MVK: variants seen among roughly 807,000 people sequenced by gnomAD.
MVK encodes mevalonate kinase.
MVK carries 34 observed loss-of-function variants against 43.2 expected under a neutral mutation model. The observed-to-expected ratio is 0.79, with a 90% CI of 0.60 to 1.05. The LOEUF (loss-of-function observed/expected upper bound fraction) is 1.05, where lower values mean the gene tolerates loss of function less well. MVK is among the 50% of genes least tolerant of loss of function. The probability of loss-of-function intolerance (pLI) is 0.00; values close to 1 mark genes in which losing one functional copy is unlikely to be tolerated. For synonymous variants in MVK, 190 were observed against 219.8 expected (o/e 0.86, Z 1.20); for missense variants, 395 against 504.0 (o/e 0.78, Z 2.07).
Position 109,590,830 on chromosome 12 carries a change from T to C in MVK, c.737T>C (p.Leu246Pro), listed in dbSNP as rs104895312. ...NTKVPRNTRALVAGVRNRLLK... is the reference protein window; with the variant it reads ...NTKVPRNTRAPVAGVRNRLLK... ...AAAGTCCCTCGCAATACCAGGGCCC[T>C]TGTGGCTGGCGTCAGAAACAGGCTG... Residue 246 changes from leucine to proline, a missense_variant, in exon 8 of 11, where the codon CTT (leucine) becomes CCT (proline). Leu to Pro is a moderately conservative substitution (Grantham distance 98). Coordinates refer to ENST00000228510, the MANE Select transcript of MVK (RefSeq NM_000431.4). 2 of 1,614,076 alleles carry C rather than the reference T, an allele frequency of 1.2e-6. No individual in the cohort carries two copies. The highest frequency in any genetic ancestry group is 1.7e-6 in the Non-Finnish European group (2 of 1,180,040).
At chr12:109,579,145 T>A (rs547262095) in intron 3 of MVK, 323 of 380,210 alleles carry the variant, frequency 8.5e-4, no homozygotes, top group East Asian at 7.7e-3. Flanking sequence ...CAATTTTTTT[T>A]TTTTTTTTTT....
At chr12:109,576,528 C>A (rs987530463) in intron 3 of MVK, among the ~76,000 whole-genome samples, 4 of 151,800 alleles carry the variant, frequency 2.6e-5, no homozygotes, top group Non-Finnish European at 5.9e-5. Context: ...GACAAAGTGA[C>A]ACATGTTTTA....
At chr12:109,574,467 C>T (rs1330907064) in intron 1 of MVK, among the ~76,000 whole-genome samples, 3 of 152,306 alleles carry the variant, frequency 2.0e-5, no homozygotes, top group Middle Eastern at 3.4e-3. Flanking sequence ...TGCCAGACAC[C>T]GCCAAGTGTT....
Position 109,596,736 on chromosome 12 carries a change from C to T in MVK, c.*159C>T, listed in dbSNP as rs923356757. 64 of 1,079,070 alleles carry T rather than the reference C, an allele frequency of 5.9e-5. No homozygotes were observed. The highest frequency in any genetic ancestry group is 8.3e-5 in the Non-Finnish European group (61 of 739,336). 66.8% of individuals were successfully genotyped at this position (1,079,070 alleles called of 1,614,324 possible). On this transcript the variant is annotated 3_prime_UTR_variant, in exon 11 of 11. Coordinates refer to ENST00000228510, the MANE Select transcript of MVK (RefSeq NM_000431.4). Reference sequence around the variant, plus strand: ...TGCCAGCCAAGCTCTGCAGTCCCAGCGGTGGGACCTAGGGAGGCATGGTCT... The same window carrying T: ...TGCCAGCCAAGCTCTGCAGTCCCAGTGGTGGGACCTAGGGAGGCATGGTCT...
intron 7 of MVK, 199 bp downstream of exon 7, chr12:109,586,998 C>T: frequency 1.6e-6 from 1 of 617,688 alleles, no homozygotes; most frequent in Non-Finnish European, 2.9e-6. Flanking sequence ...CCCTTCAGCT[C>T]TTAAATTGCA....
intron 5 of MVK, among the ~76,000 whole-genome samples, chr12:109,584,405 G>A (rs984613866): frequency 6.6e-6 from 1 of 152,136 alleles, no homozygotes; most frequent in Non-Finnish European, 1.5e-5. Context: ...GACCCCAGAC[G>A]GCCTATTTTG....
At chr12:109,589,365 G>C (rs1201580676) in intron 7 of MVK, 1 of 152,210 alleles carries the variant, frequency 6.6e-6, no homozygotes, top group Non-Finnish European at 1.5e-5. Context: ...GGAGCAGATG[G>C]CGGCTTCACA....
intron 1 of MVK, among the ~76,000 whole-genome samples, chr12:109,574,088 G>C (rs1362728702): frequency 6.6e-6 from 1 of 152,204 alleles, no homozygotes. Context: ...TGGGGATCAC[G>C]ATAGTACTTA....
At chr12:109,573,478 C>CA, upstream of MVK, 1 of 1,603,136 alleles carries the variant, frequency 6.2e-7, no homozygotes, top group Non-Finnish European at 8.5e-7. Flanking sequence ...CGCACACAGC[C>CA]ATGAGCCAGG....
At chr12:109,594,978 C>G (rs1885851289) in intron 9 of MVK, 50 bp from the exon 10 acceptor site, 2 of 1,608,536 alleles carry the variant, frequency 1.2e-6, no homozygotes, top group South Asian at 2.2e-5. Flanking sequence ...GGGCATAGGA[C>G]CTTGGCCTCA....
rs975966542 is a variant in MVK, at chr12:109,573,802, T to C, written c.-86T>C. 1 of 351,062 alleles carries C rather than the reference T, an allele frequency of 2.8e-6. No homozygotes were observed. The highest frequency in any genetic ancestry group is 2.7e-5 in the South Asian group (1 of 37,540). The allele number at this position is 351,062 out of a possible 1,614,324, so 21.7% of individuals were successfully genotyped here. On this transcript the variant is annotated 5_prime_UTR_variant, in exon 1 of 11. Coordinates refer to ENST00000228510, the MANE Select transcript of MVK (RefSeq NM_000431.4). Reference sequence around the variant, plus strand: ...CCCCTTGAGGCACGGGCGCTCTGGGTTGTGGGAGTTGGGGAGCTGCTCCGG... The same window carrying C: ...CCCCTTGAGGCACGGGCGCTCTGGGCTGTGGGAGTTGGGGAGCTGCTCCGG...
At chr12:109,573,634 C>G, upstream of MVK, 1 of 913,894 alleles carries the variant, frequency 1.1e-6, no homozygotes, top group South Asian at 1.4e-5. Context: ...GGACTTGTTT[C>G]CCATTGGTTT....
chr12:109,579,360 A>G, intron 3 of MVK: 1 of 354,154 alleles, frequency 2.8e-6, no homozygotes, highest in South Asian at 2.1e-5. Flanking sequence ...GGCTGGTCTC[A>G]AACTCCTAGG....
intron 6 of MVK, among the ~76,000 whole-genome samples, 175 bp downstream of exon 6, chr12:109,586,300 C>T (rs1593022090): frequency 6.6e-6 from 1 of 152,196 alleles, no homozygotes; most frequent in East Asian, 1.9e-4. Flanking sequence ...CTGTCTCACA[C>T]CCCCTGAATC....
intron 7 of MVK, chr12:109,587,186 C>A (rs1885472128): frequency 3.4e-6 from 1 of 294,354 alleles, no homozygotes; most frequent in Non-Finnish European, 6.8e-6. Flanking sequence ...CAAGGACTCT[C>A]AGTCTGCTTG....
intron 8 of MVK, 88 bp from the exon 9 acceptor site, chr12:109,591,153 C>A: frequency 7.8e-7 from 1 of 1,284,048 alleles, no homozygotes; most frequent in Non-Finnish European, 1.1e-6. Flanking sequence ...TGTGTGAACA[C>A]CTCCTCCCTC....
chr12:109,577,311 G>A (rs1458562335), intron 3 of MVK, among the ~76,000 whole-genome samples: 1 of 152,202 alleles, frequency 6.6e-6, no homozygotes, highest in Non-Finnish European at 1.5e-5. Flanking sequence ...GCTGAATGAA[G>A]CCTTGCTCTT....
chr12:109,586,002 A>T lies in MVK; in HGVS notation c.528-20A>T, dbSNP rs1057237716. 1.9e-6 allele frequency: 3 copies of T among 1,603,404 alleles called. No homozygotes were observed. The highest frequency in any genetic ancestry group is 1.7e-4 in the Middle Eastern group (1 of 6,012). ...CCCACTCCTCACTGCCACAGTAAAG[A>T]TGAACATCTGTGTCTTCAGGTGGAC... On this transcript the variant is annotated intron_variant, in intron 5 of 10. Transcript: ENST00000228510.
chr12:109,595,137 CTG>C lies in MVK; in HGVS notation c.996_997del (p.Gly333ArgfsTer33). 1 of 1,614,204 alleles carries C rather than the reference CTG, an allele frequency of 6.2e-7. No homozygotes were observed. The highest frequency in any genetic ancestry group is 2.2e-5 in the East Asian group (1 of 44,864). Reference sequence around the variant, plus strand: ...GCCCGCGGACTTCACAGCAAGCTGACTGGCGCAGGCGGTGGTGGCTGTGGCAT... The same window carrying C: ...GCCCGCGGACTTCACAGCAAGCTGACGCGCAGGCGGTGGTGGCTGTGGCAT... On this transcript the variant is annotated frameshift_variant, in exon 10 of 11. Coordinates refer to ENST00000228510, the MANE Select transcript of MVK (RefSeq NM_000431.4). LOFTEE classifies it high-confidence loss of function. The surrounding 1 kb of genome is among the most constrained non-coding windows in gnomAD (Gnocchi z 5.9).
Sources: gnomAD v4.1 joint callset for allele counts (sites outside exome capture counted in the v4.1 genomes callset) on GRCh38, gnomAD v4.1.1 for gene constraint, Gnocchi (gnomAD v3.1) non-coding constraint, MANE v1.5 for transcripts, NCBI Gene and HGNC (gene_info 2026-07-23, HGNC 2026-07-21) for gene names.